Variants in RAB6B observed in about 807,000 individuals in gnomAD.
RAB6B encodes ras-related protein Rab-6B.
RAB6B carries 7 observed loss-of-function variants against 31.2 expected under a neutral mutation model. That is an observed-to-expected ratio of 0.22 (90% CI 0.13 to 0.42). The LOEUF is 0.42. Ranked by LOEUF, RAB6B falls within the 10% of genes least tolerant of loss-of-function variation. RAB6B has a pLI of 1.00. For synonymous variants in RAB6B, 105 were observed against 104.9 expected (o/e 1.00, Z -0.01); for missense variants, 149 against 280.6 (o/e 0.53, Z 3.35).
chr3:133,832,584 G>A (rs935479960), intron 7 of RAB6B, among the ~76,000 whole-genome samples: 1 of 152,216 alleles, frequency 6.6e-6, no homozygotes, highest in Non-Finnish European at 1.5e-5. Context: ...GATTTGGACT[G>A]TGAGTAAGCA....
At chr3:133,831,413 G>C (rs1438107068) in intron 7 of RAB6B, among the ~76,000 whole-genome samples, 1 of 152,226 alleles carries the variant, frequency 6.6e-6, no homozygotes, top group East Asian at 1.9e-4. Flanking sequence ...CTGGGCACTT[G>C]CAAGGATGCT....
Position 133,895,526 on chromosome 3 carries a change from G to C in RAB6B, c.-60C>G. The C allele has an allele frequency of 1.3e-6, 2 of 1,565,730 alleles. No homozygotes were observed. Among genetic ancestry groups the C allele is most frequent in the Non-Finnish European group, 8.8e-7 (1 of 1,140,754 alleles). ...GGAAAAAGCGAAGGAGCAGGGAGGG[G>C]AGAGTAGGAGGGCGAGGGGAGGCGG... is the stretch of plus-strand genomic sequence containing the variant. On this transcript the variant is annotated 5_prime_UTR_variant, in exon 1 of 8. Coordinates refer to ENST00000285208, the MANE Select transcript of RAB6B (RefSeq NM_016577.4).
At chr3:133,883,523 C>A (rs1422678914) in intron 1 of RAB6B, among the ~76,000 whole-genome samples, 1 of 152,216 alleles carries the variant, frequency 6.6e-6, no homozygotes, top group African/African-American at 2.4e-5. Flanking sequence ...AAGCCCCCAT[C>A]TGTGTCTGGT....
At chr3:133,894,941 G>C (rs1015210223) in intron 1 of RAB6B, among the ~76,000 whole-genome samples, 1 of 152,228 alleles carries the variant, frequency 6.6e-6, no homozygotes, top group Non-Finnish European at 1.5e-5. Flanking sequence ...GTGCAGCGGA[G>C]TGAGGCCCGG....
At chr3:133,890,384 C>T (rs934879144) in intron 1 of RAB6B, among the ~76,000 whole-genome samples, 1 of 152,100 alleles carries the variant, frequency 6.6e-6, no homozygotes, top group Non-Finnish European at 1.5e-5. Flanking sequence ...GTGGGCAGAT[C>T]ACTTGAGGTC....
chr3:133,858,702 G>A (rs879845501), intron 2 of RAB6B, among the ~76,000 whole-genome samples: 3 of 152,084 alleles, frequency 2.0e-5, no homozygotes, highest in African/African-American at 7.2e-5. Flanking sequence ...CCAGAACTTC[G>A]ATGCAGGAAT....
In RAB6B at chr3:133,826,404, A is replaced by G. The variant is rs1935563860; in HGVS notation, c.*2384T>C. ...ACTGTTTTATGGGATGTTTTTTTAAAAAAGCTAATCTTTAGTGCCAAGAAA... is the reference window on the plus strand; with the variant it reads ...ACTGTTTTATGGGATGTTTTTTTAAGAAAGCTAATCTTTAGTGCCAAGAAA... On this transcript the variant is annotated 3_prime_UTR_variant, in exon 8 of 8. Transcript: ENST00000285208. 6.6e-6 allele frequency: 1 copy of G among 152,276 alleles called. No homozygotes were observed. The highest frequency in any genetic ancestry group is 6.5e-5 in the Admixed American group (1 of 15,286). The allele number at this position is 152,276 out of a possible 1,614,324, so 9.4% of individuals were successfully genotyped here.
chr3:133,867,352 G>A (rs1277860432), intron 1 of RAB6B, among the ~76,000 whole-genome samples: 1 of 152,184 alleles, frequency 6.6e-6, no homozygotes, highest in Non-Finnish European at 1.5e-5. Flanking sequence ...GAATTGACAT[G>A]AGAACAGTAA....
At chr3:133,853,796 G>A (rs900391007) in intron 2 of RAB6B, among the ~76,000 whole-genome samples, 2 of 152,156 alleles carry the variant, frequency 1.3e-5, no homozygotes, top group East Asian at 3.8e-4. Flanking sequence ...TGGATCAAAT[G>A]AGTTAGAGAA....
intron 2 of RAB6B, among the ~76,000 whole-genome samples, chr3:133,863,663 C>G (rs1936194243): frequency 6.6e-6 from 1 of 152,084 alleles, no homozygotes; most frequent in South Asian, 2.1e-4. Flanking sequence ...TTCCCTAAAT[C>G]TGTACAAGCT....
At chr3:133,894,640 T>G (rs1936682278) in intron 1 of RAB6B, 1 of 152,020 alleles carries the variant, frequency 6.6e-6, no homozygotes, top group African/African-American at 2.4e-5. Flanking sequence ...GAGGTGCCCC[T>G]GTATCATTCC....
chr3:133,885,528 C>T, intron 1 of RAB6B: 1 of 702,972 alleles, frequency 1.4e-6, no homozygotes, highest in South Asian at 1.5e-5. Flanking sequence ...TAGGGGAGCT[C>T]ACACACCCAA....
At chr3:133,866,749 G>A (rs1457044664) in intron 1 of RAB6B, among the ~76,000 whole-genome samples, 1 of 152,256 alleles carries the variant, frequency 6.6e-6, no homozygotes, top group Non-Finnish European at 1.5e-5. Flanking sequence ...CCACAGAGGG[G>A]AAAGTGGGGC....
Position 133,895,661 on chromosome 3 carries a change from AG to A in RAB6B, c.-196del. 1.5e-5 allele frequency: 9 copies of A among 601,698 alleles called. No individual in the cohort carries two copies. Among genetic ancestry groups the A allele is most frequent in the Non-Finnish European group, 2.3e-5 (8 of 343,790 alleles). The allele number at this position is 601,698 out of a possible 1,614,324, so 37.3% of individuals were successfully genotyped here. On this transcript the variant is annotated 5_prime_UTR_variant, in exon 1 of 8. Transcript: ENST00000285208. ...GCGTGTCCGGCGGCGGAGGAGGAGGAGGAGAGAGAGGCGGAGGCGGAGGAAG... is the reference window on the plus strand; with the variant it reads ...GCGTGTCCGGCGGCGGAGGAGGAGGAGAGAGAGAGGCGGAGGCGGAGGAAG...
intron 4 of RAB6B, among the ~76,000 whole-genome samples, chr3:133,840,867 G>C (rs1203798288): frequency 1.3e-5 from 2 of 152,196 alleles, no homozygotes; most frequent in Admixed American, 6.5e-5. Context: ...ACCCACAGCT[G>C]CTGGGCCGGG....
At chr3:133,840,342 C>T (rs1038094273) in intron 4 of RAB6B, among the ~76,000 whole-genome samples, 1 of 152,210 alleles carries the variant, frequency 6.6e-6, no homozygotes, top group Non-Finnish European at 1.5e-5. Context: ...GCAGCCTGCA[C>T]ACCCAAGGGG....
intron 1 of RAB6B, among the ~76,000 whole-genome samples, chr3:133,883,466 C>T (rs62269107): frequency 0.092 from 14,002 of 152,070 alleles, 1,203 homozygotes; most frequent in African/African-American, 0.23. Context: ...GCACCCTGCC[C>T]GGACCTTGAC....
chr3:133,895,833 G>A lies in RAB6B; in HGVS notation c.-367C>T, dbSNP rs1034806583. ...GCGGAGGAGCGCTCTCCAGAGCCGC[G>A]CCAGTCGGCCCCCTCCCGCCTGCCT... On this transcript the variant is annotated 5_prime_UTR_variant, in exon 1 of 8. Transcript: ENST00000285208. 83 of 223,824 alleles carry A rather than the reference G, an allele frequency of 3.7e-4. No homozygotes were observed. Among genetic ancestry groups the A allele is most frequent in the African/African-American group, 1.8e-3 (78 of 43,778 alleles). The allele number at this position is 223,824 out of a possible 1,614,324, so 13.9% of individuals were successfully genotyped here.
chr3:133,863,830 G>C (rs1936196520), intron 2 of RAB6B, among the ~76,000 whole-genome samples: 1 of 152,166 alleles, frequency 6.6e-6, no homozygotes, highest in South Asian at 2.1e-4. Context: ...TAAAAGAGTT[G>C]AAATGATTAA....
Sources: gnomAD v4.1 joint callset for allele counts (sites outside exome capture counted in the v4.1 genomes callset) on GRCh38, gnomAD v4.1.1 for gene constraint, MANE v1.5 for transcripts, NCBI Gene and HGNC (gene_info 2026-07-23, HGNC 2026-07-21) for gene names.